Variants in KCNIP4 observed in about 807,000 individuals in gnomAD.
The protein encoded by KCNIP4 is Kv channel-interacting protein 4.
A neutral mutation model predicts 34.0 loss-of-function variants in KCNIP4; 12 were observed. The observed-to-expected ratio is 0.35, with a 90% confidence interval of 0.23 to 0.57. KCNIP4 has a LOEUF of 0.57. Ranked by LOEUF, KCNIP4 falls within the 20% of genes least tolerant of loss-of-function variation. KCNIP4 has a pLI of 0.83. For synonymous variants in KCNIP4, 124 were observed against 102.2 expected (o/e 1.21, Z -1.29); for missense variants, 238 against 311.7 (o/e 0.76, Z 1.78).
At chr4:20,904,908 G>A (rs1016133203) in intron 1 of KCNIP4, among the ~76,000 whole-genome samples, 2 of 152,152 alleles carry the variant, frequency 1.3e-5, no homozygotes, top group African/African-American at 4.8e-5. Context: ...GAAGGAGGAG[G>A]AGGAAGAGGA....
chr4:21,531,784 G>T (rs1049394738), intron 1 of KCNIP4, among the ~76,000 whole-genome samples: 2 of 152,002 alleles, frequency 1.3e-5, no homozygotes, highest in African/African-American at 2.4e-5. Context: ...AAAGTAAAAA[G>T]TTATTGCCTG....
chr4:21,817,434 C>T (rs1454990089), intron 1 of KCNIP4, among the ~76,000 whole-genome samples: 1 of 152,016 alleles, frequency 6.6e-6, no homozygotes, highest in Non-Finnish European at 1.5e-5. Context: ...GAAATCAGTG[C>T]ACCTTGAAAA....
At chr4:21,515,570 C>T (rs894380889) in intron 1 of KCNIP4, among the ~76,000 whole-genome samples, 4 of 152,102 alleles carry the variant, frequency 2.6e-5, no homozygotes, top group Admixed American at 6.5e-5. Context: ...ATCCTGGAGG[C>T]GGAGCTTGCA....
chr4:20,826,469 T>C (rs1717771736), intron 3 of KCNIP4, among the ~76,000 whole-genome samples: 1 of 151,616 alleles, frequency 6.6e-6, no homozygotes, highest in Non-Finnish European at 1.5e-5. Flanking sequence ...CCTGTAGTCC[T>C]AGCTACTCGG....
intron 3 of KCNIP4, among the ~76,000 whole-genome samples, chr4:20,811,528 C>T (rs112384730): frequency 1.8e-4 from 28 of 151,830 alleles, no homozygotes; most frequent in Middle Eastern, 3.4e-3. Flanking sequence ...CGCGCGCACG[C>T]GTGCACGCCA....
rs1439413586 is a variant in KCNIP4, at chr4:21,816,396, G to T, written c.61+132175C>A. On this transcript the variant is annotated intron_variant, in intron 1 of 8. Transcript: ENST00000382152. ...TTGTAAGGGAGACACTTAAAAAGAAGAGGAAAGGTGAGGACCTAAAAAAGT... is the reference window on the plus strand; with the variant it reads ...TTGTAAGGGAGACACTTAAAAAGAATAGGAAAGGTGAGGACCTAAAAAAGT... Among the ~76,000 whole-genome samples, 4 of 152,074 alleles carry T rather than the reference G, an allele frequency of 2.6e-5. No individual in the cohort carries two copies. In the East Asian group the frequency reaches 7.7e-4, roughly 29 times the overall value.
chr4:21,676,570 T>G (rs140117417), intron 1 of KCNIP4, among the ~76,000 whole-genome samples: 174 of 152,354 alleles, frequency 1.1e-3, no homozygotes, highest in African/African-American at 3.7e-3. Context: ...TCACCAGAAA[T>G]ATACTCATTC....
At chr4:21,310,030 A>G (rs553145087) in intron 1 of KCNIP4, among the ~76,000 whole-genome samples, 1 of 152,050 alleles carries the variant, frequency 6.6e-6, no homozygotes, top group African/African-American at 2.4e-5. Flanking sequence ...GTCTTGCCAG[A>G]TATTTTTTGG....
chr4:21,793,757 A>T (rs1720443552), intron 1 of KCNIP4, among the ~76,000 whole-genome samples: 1 of 152,210 alleles, frequency 6.6e-6, no homozygotes, highest in Non-Finnish European at 1.5e-5. Flanking sequence ...CACTTAAGGA[A>T]AAAATACATG....
At chr4:21,880,432 A>C (rs968486652) in intron 1 of KCNIP4, among the ~76,000 whole-genome samples, 16 of 152,186 alleles carry the variant, frequency 1.1e-4, no homozygotes, top group Non-Finnish European at 7.3e-5. Context: ...TGTATCTCCC[A>C]TATTGGTACC....
At chr4:21,906,160 T>A (rs1358765324) in intron 1 of KCNIP4, among the ~76,000 whole-genome samples, 1 of 152,190 alleles carries the variant, frequency 6.6e-6, no homozygotes, top group Non-Finnish European at 1.5e-5. Context: ...ATTTACTACC[T>A]AGTTGTGGTA....
chr4:20,931,918 AAC>A (rs1730515408), intron 1 of KCNIP4, among the ~76,000 whole-genome samples: 1 of 148,872 alleles, frequency 6.7e-6, no homozygotes, highest in South Asian at 2.2e-4. Context: ...AATAGTCTAT[AAC>A]AGTCTAATAT....
At chr4:21,830,090 A>G (rs1005312784) in intron 1 of KCNIP4, among the ~76,000 whole-genome samples, 1 of 152,184 alleles carries the variant, frequency 6.6e-6, no homozygotes, top group African/African-American at 2.4e-5. Context: ...CATGCAGCCT[A>G]CCTACCACAG....
rs528760719 is a variant in KCNIP4, at chr4:21,674,215, G to A, written c.61+274356C>T. Among the ~76,000 whole-genome samples, 6 of 152,274 alleles carry A rather than the reference G, an allele frequency of 3.9e-5. No individual in the cohort carries two copies. The East Asian group carries it at 7.8e-4, about 20-fold the overall frequency. The stretch of plus-strand genomic sequence containing the variant: ...TTTCTTAGAGTAATAACCAGAAACT[G>A]AGCTCTCATGAACACTGAACATGGA... On this transcript the variant is annotated intron_variant, in intron 1 of 8. Transcript: ENST00000382152.
intron 1 of KCNIP4, among the ~76,000 whole-genome samples, chr4:21,513,254 G>T: frequency 6.6e-6 from 1 of 152,188 alleles, no homozygotes; most frequent in East Asian, 1.9e-4. Context: ...ACCTCCACAT[G>T]TGGCTTGGGA....
chr4:21,472,086 AAATT>A (rs1467620481), intron 1 of KCNIP4, among the ~76,000 whole-genome samples: 3 of 152,212 alleles, frequency 2.0e-5, no homozygotes, highest in Non-Finnish European at 4.4e-5. Flanking sequence ...AGTTAACCAG[AAATT>A]CCTGAAGCTT....
chr4:20,820,980 G>C (rs1277263004), intron 3 of KCNIP4, among the ~76,000 whole-genome samples: 1 of 152,188 alleles, frequency 6.6e-6, no homozygotes, highest in African/African-American at 2.4e-5. Context: ...CCTCCACCTA[G>C]GTTTCAAAGG....
At chr4:21,053,363 T>G (rs1007317627) in intron 1 of KCNIP4, among the ~76,000 whole-genome samples, 1 of 152,114 alleles carries the variant, frequency 6.6e-6, no homozygotes, top group Admixed American at 6.5e-5. Flanking sequence ...AGAGGAAAAT[T>G]TTCTCAGTTT....
intron 1 of KCNIP4, among the ~76,000 whole-genome samples, chr4:21,801,229 A>C (rs924069936): frequency 3.9e-5 from 6 of 152,186 alleles, no homozygotes; most frequent in African/African-American, 1.4e-4. Flanking sequence ...TTGACACGTA[A>C]TCTTTTTAAA....
Sources: allele counts gnomAD v4.1 joint callset (sites outside exome capture counted in the v4.1 genomes callset), GRCh38; gene constraint gnomAD v4.1.1; transcripts MANE v1.5; gene names NCBI Gene and HGNC (gene_info 2026-07-23, HGNC 2026-07-21).